The following PTPRT variants were observed in gnomAD, a reference collection of about 807,000 sequenced individuals.
PTPRT encodes protein tyrosine phosphatase receptor type T.
PTPRT carries 56 observed loss-of-function variants against 176.8 expected under a neutral mutation model. The ratio of observed to expected loss-of-function variants is 0.32; its 90% CI spans 0.26 to 0.40. The LOEUF is 0.40. Ranked by LOEUF, PTPRT falls within the 10% of genes least tolerant of loss-of-function variation. The probability of loss-of-function intolerance (pLI) is 1.00; values close to 1 mark genes in which losing one functional copy is unlikely to be tolerated. For missense variants in PTPRT, 1,540 were observed against 1,908.2 expected, an observed-to-expected ratio of 0.81 and a Z score of 3.60; for synonymous variants, 783 against 739.0, an observed-to-expected ratio of 1.06 and a Z score of -0.96.
intron 7 of PTPRT, among the ~76,000 whole-genome samples, chr20:42,501,660 C>G (rs556931671): frequency 3.3e-5 from 5 of 152,170 alleles, no homozygotes; most frequent in South Asian, 2.1e-4. Context: ...GTGATAGAAA[C>G]AGTACAACCT....
chr20:42,188,227 G>T (rs763901378), intron 16 of PTPRT, among the ~76,000 whole-genome samples: 5 of 152,204 alleles, frequency 3.3e-5, no homozygotes, highest in Non-Finnish European at 7.3e-5. Flanking sequence ...AGAGCTTCAG[G>T]GCTAAGGCCG....
intron 1 of PTPRT, among the ~76,000 whole-genome samples, chr20:43,001,875 C>T (rs372971622): frequency 1.5e-5 from 2 of 130,160 alleles, no homozygotes; most frequent in African/African-American, 5.8e-5. Context: ...AACAAACAAA[C>T]AAACAAAAAA....
chr20:42,824,222 G>A (rs918490002), intron 2 of PTPRT, among the ~76,000 whole-genome samples: 3 of 152,040 alleles, frequency 2.0e-5, no homozygotes, highest in Admixed American at 1.3e-4. Flanking sequence ...TTTTCAATTC[G>A]AATAAAACCC....
intron 16 of PTPRT, among the ~76,000 whole-genome samples, chr20:42,184,105 A>G (rs574572652): frequency 6.6e-6 from 1 of 152,278 alleles, no homozygotes; most frequent in African/African-American, 2.4e-5. Flanking sequence ...ATGTTGTCCT[A>G]CAAGAGCTGT....
chr20:42,789,952 C>G (rs1367946301), intron 3 of PTPRT, among the ~76,000 whole-genome samples: 1 of 152,124 alleles, frequency 6.6e-6, no homozygotes, highest in African/African-American at 2.4e-5. Context: ...CTAAGAAGCC[C>G]CCAGCCACCG....
chr20:42,380,992 A>G lies in PTPRT; in HGVS notation c.1561-28707T>C, dbSNP rs571807770. ...CAAAGGAGGAGCAGGCACATTTCAC[A>G]TGGTGGGAGTGGGAGTAAGGGAGGG... On this transcript the variant is annotated intron_variant, in intron 9 of 30. Transcript: ENST00000373187. Among the ~76,000 whole-genome samples the G allele has an allele frequency of 7.2e-5, 11 of 152,240 alleles. No individual in the cohort carries two copies. In the South Asian group the frequency reaches 2.3e-3, roughly 32 times the overall value.
intron 7 of PTPRT, among the ~76,000 whole-genome samples, chr20:42,537,471 T>C (rs2072496888): frequency 6.6e-6 from 1 of 152,244 alleles, no homozygotes; most frequent in African/African-American, 2.4e-5. Flanking sequence ...TCTGATTTAC[T>C]TTCATATGAC....
At chr20:42,130,724 C>A (rs554842056) in intron 18 of PTPRT, among the ~76,000 whole-genome samples, 3 of 152,098 alleles carry the variant, frequency 2.0e-5, no homozygotes, top group Non-Finnish European at 4.4e-5. Flanking sequence ...ATACTAAATG[C>A]GACTTTTCTT....
chr20:42,683,231 C>T (rs1440786283), intron 6 of PTPRT, among the ~76,000 whole-genome samples: 1 of 143,042 alleles, frequency 7.0e-6, no homozygotes, highest in East Asian at 2.0e-4. Context: ...TTTGTCTGTG[C>T]CATTTTTCCC....
chr20:42,418,168 A>G (rs929996600), intron 9 of PTPRT, among the ~76,000 whole-genome samples: 1 of 152,256 alleles, frequency 6.6e-6, no homozygotes, highest in Admixed American at 6.5e-5. Context: ...TAGTATAAAA[A>G]GTATAAAATA....
intron 9 of PTPRT, among the ~76,000 whole-genome samples, chr20:42,426,860 A>G (rs1388683627): frequency 2.6e-5 from 4 of 152,130 alleles, no homozygotes; most frequent in African/African-American, 9.7e-5. Context: ...TGGAGGGTGG[A>G]TCTTGGAGAA....
At chr20:42,508,365 C>T (rs1379820254) in intron 7 of PTPRT, among the ~76,000 whole-genome samples, 1 of 152,056 alleles carries the variant, frequency 6.6e-6, no homozygotes, top group African/African-American at 2.4e-5. Flanking sequence ...GCTTCAGGGC[C>T]AACCAAAGGT....
chr20:42,802,862 T>C (rs775815193), intron 2 of PTPRT, among the ~76,000 whole-genome samples: 4 of 152,212 alleles, frequency 2.6e-5, no homozygotes, highest in Non-Finnish European at 5.9e-5. Context: ...ACTTAACATC[T>C]ATAAGCCTCA....
intron 1 of PTPRT, among the ~76,000 whole-genome samples, chr20:43,079,647 A>C (rs574666704): frequency 4.7e-4 from 72 of 152,288 alleles, no homozygotes; most frequent in Non-Finnish European, 5.7e-4. Context: ...TTGTGAATAA[A>C]CATCTTCTAT....
chr20:43,042,327 G>A (rs745686388), intron 1 of PTPRT, among the ~76,000 whole-genome samples: 120 of 152,078 alleles, frequency 7.9e-4, no homozygotes, highest in Non-Finnish European at 1.5e-3. Flanking sequence ...ATGTCTCATC[G>A]TCCAGTGATC....
chr20:42,713,642 G>T (rs2076179389), intron 6 of PTPRT, among the ~76,000 whole-genome samples: 1 of 152,178 alleles, frequency 6.6e-6, no homozygotes. Context: ...GTTTGGATGT[G>T]TGTCCCTGCC....
At chr20:42,346,389 G>A (rs1439769367) in intron 11 of PTPRT, among the ~76,000 whole-genome samples, 1 of 152,152 alleles carries the variant, frequency 6.6e-6, no homozygotes, top group East Asian at 1.9e-4. Context: ...GGTGGGGCGT[G>A]GGGGAAGAAG....
At chr20:42,733,529 G>T (rs1056322668) in intron 6 of PTPRT, among the ~76,000 whole-genome samples, 1 of 152,172 alleles carries the variant, frequency 6.6e-6, no homozygotes, top group Non-Finnish European at 1.5e-5. Flanking sequence ...TAGGCCCTGG[G>T]TCTTTTGCTG....
At chr20:42,856,101 C>T (rs772129899) in intron 2 of PTPRT, among the ~76,000 whole-genome samples, 2 of 152,134 alleles carry the variant, frequency 1.3e-5, no homozygotes, top group African/African-American at 2.4e-5. Flanking sequence ...ACCACCCACC[C>T]CAGGAAGAGG....
Sources: allele counts gnomAD v4.1 joint callset (sites outside exome capture counted in the v4.1 genomes callset), GRCh38; gene constraint gnomAD v4.1.1; transcripts MANE v1.5; gene names NCBI Gene and HGNC (gene_info 2026-07-23, HGNC 2026-07-21).